The following ZNF345 variants were observed in gnomAD, a reference collection of about 807,000 sequenced individuals.
The protein encoded by ZNF345 is zinc finger protein 345, also known as zinc finger protein HZF10.
For missense variants in ZNF345, 527 were observed against 589.9 expected (o/e 0.89, Z 1.10); for synonymous variants, 166 against 187.9 (o/e 0.88, Z 0.95).
chr19:36,866,165 A>G (rs2072655810), intron 2 of ZNF345, among the ~76,000 whole-genome samples: 1 of 151,974 alleles, frequency 6.6e-6, no homozygotes, highest in Non-Finnish European at 1.5e-5. Context: ...TGGCTGTTAG[A>G]CTACTTTCAT....
At chr19:36,865,767 G>A (rs890507132) in intron 2 of ZNF345, among the ~76,000 whole-genome samples, 3 of 152,028 alleles carry the variant, frequency 2.0e-5, no homozygotes, top group East Asian at 1.9e-4. Context: ...CAGCCTTTAC[G>A]GACATGCACA....
intron 3 of ZNF345, chr19:36,891,943 A>T: frequency 1.2e-6 from 2 of 1,614,032 alleles, no homozygotes; most frequent in Non-Finnish European, 1.7e-6. Flanking sequence ...ATGTAGAAAA[A>T]GTTGTGAACT....
downstream of ZNF345, among the ~76,000 whole-genome samples, chr19:36,882,551 G>A (rs909203000): frequency 1.3e-5 from 2 of 152,192 alleles, no homozygotes; most frequent in Non-Finnish European, 2.9e-5. Flanking sequence ...ACAGGCGTGA[G>A]CCACTGCACC....
chr19:36,855,207 A>G (rs1282085538), intron 2 of ZNF345, among the ~76,000 whole-genome samples: 2 of 140,122 alleles, frequency 1.4e-5, no homozygotes, highest in African/African-American at 5.5e-5. Flanking sequence ...CAGTGGCGCC[A>G]TCTCAGCTCA....
At chr19:36,858,564 C>T (rs1452076873) in intron 2 of ZNF345, among the ~76,000 whole-genome samples, 3 of 152,018 alleles carry the variant, frequency 2.0e-5, no homozygotes, top group Admixed American at 6.6e-5. Context: ...GTCGGGAGTT[C>T]GAGACCAGCC....
At chr19:36,887,520 T>C (rs1190818567) in intron 3 of ZNF345, among the ~76,000 whole-genome samples, 1 of 152,160 alleles carries the variant, frequency 6.6e-6, no homozygotes, top group Admixed American at 6.5e-5. Flanking sequence ...CTAAAACAAA[T>C]TATATATTTT....
chr19:36,876,735 C>G (rs1032995466), intron 2 of ZNF345, 50 bp from the exon 3 acceptor site: 2 of 1,254,732 alleles, frequency 1.6e-6, no homozygotes, highest in African/African-American at 3.0e-5. Context: ...AACGTTTAAT[C>G]TCTCCCAGAA....
chr19:36,874,146 T>C (rs1376831722), intron 2 of ZNF345, among the ~76,000 whole-genome samples: 3 of 152,224 alleles, frequency 2.0e-5, no homozygotes, highest in Non-Finnish European at 4.4e-5. Context: ...CTTTCCTTAC[T>C]TTTAGTTAAG....
At chr19:36,880,909 C>A (rs1296320821), downstream of ZNF345, among the ~76,000 whole-genome samples, 1 of 151,870 alleles carries the variant, frequency 6.6e-6, no homozygotes, top group East Asian at 1.9e-4. Context: ...TAAATTCATT[C>A]ATTTGTTAGA....
chr19:36,877,863 A>C lies in ZNF345; in HGVS notation c.1033A>C (p.Lys345Gln). 1 of 1,614,012 alleles carries C rather than the reference A, an allele frequency of 6.2e-7. No individual in the cohort carries two copies. Among genetic ancestry groups the C allele is most frequent in the Non-Finnish European group, 8.5e-7 (1 of 1,179,960 alleles). ...MHTGEKPYEC[K>Q]ECGKTFSSGS... ...TACTGGAGAGAAACCTTATGAATGT[A>C]AGGAATGTGGGAAGACCTTTAGTAG... Residue 345 changes from lysine (K) to glutamine (Q), a missense_variant, in exon 3 of 3, where the codon AAG becomes CAG. By Grantham distance (53) the Lys-to-Gln change is moderately conservative. Transcript: ENST00000420450.
At position 36,863,603 on chromosome 19, in the gene ZNF345, G is replaced by A. The variant is rs370692637; in HGVS notation, c.-47+11699G>A. On this transcript the variant is annotated intron_variant, in intron 2 of 2. Transcript: ENST00000420450. ...TTCAACATTCATCATAATTCAGCAA[G>A]CTGAGCAGTTCTGTGTTTTTCAGCA... Among the ~76,000 whole-genome samples the A allele has an allele frequency of 5.3e-5, 8 of 152,308 alleles. No individual in the cohort carries two copies. The South Asian group carries it at 1.2e-3, about 24-fold the overall frequency.
chr19:36,872,109 T>C (rs1462329363), intron 2 of ZNF345, among the ~76,000 whole-genome samples: 3 of 152,158 alleles, frequency 2.0e-5, no homozygotes, highest in Non-Finnish European at 4.4e-5. Context: ...TCCAGGACAA[T>C]TATTTTATAG....
chr19:36,889,292 GGAT>G (rs531085583), intron 3 of ZNF345: 10 of 152,120 alleles, frequency 6.6e-5, no homozygotes, highest in Non-Finnish European at 1.3e-4. Context: ...TTCAGTATCA[GGAT>G]GATACTGGCT....
intron 3 of ZNF345, chr19:36,891,371 G>T: frequency 3.0e-6 from 3 of 1,006,368 alleles, no homozygotes; most frequent in East Asian, 2.8e-5. Context: ...CTTTGTTATC[G>T]TATCGTTTAA....
At chr19:36,870,156 T>C (rs1185538250) in intron 2 of ZNF345, among the ~76,000 whole-genome samples, 1 of 152,236 alleles carries the variant, frequency 6.6e-6, no homozygotes, top group Non-Finnish European at 1.5e-5. Context: ...AAATGTTTTG[T>C]AAATATCATC....
At chr19:36,884,074 A>AT (rs937501459), downstream of ZNF345, among the ~76,000 whole-genome samples, 3 of 150,376 alleles carry the variant, frequency 2.0e-5, no homozygotes, top group Admixed American at 6.6e-5. Context: ...ATTTATTTTT[A>AT]TTTTTTTTGA....
chr19:36,855,134 A>G (rs2072381102), intron 2 of ZNF345, among the ~76,000 whole-genome samples: 1 of 147,344 alleles, frequency 6.8e-6, no homozygotes, highest in African/African-American at 2.5e-5. Flanking sequence ...TACAGGCGTG[A>G]GCCACCACGC....
rs1429335361 is a variant in ZNF345 at position 36,877,584 on chromosome 19, C to A, written c.754C>A (p.His252Asn). 6.2e-7 allele frequency: 1 copy of A among 1,614,140 alleles called. No individual in the cohort carries two copies. Among genetic ancestry groups the A allele is most frequent in the Non-Finnish European group, 8.5e-7 (1 of 1,180,038 alleles). ...GGCTCTTACTCGGCATCAGAGAATT[C>A]ATACCGGTGAGAAACCATATATATG... ...GSALTRHQRI[H>N]TGEKPYICNE... Residue 252 changes from histidine (H) to asparagine (N), a missense_variant, in exon 3 of 3, where the codon CAT (histidine) becomes AAT (asparagine). Coordinates refer to ENST00000420450, the MANE Select transcript of ZNF345 (RefSeq NM_001242472.2).
chr19:36,883,428 C>G (rs2072979837), downstream of ZNF345, among the ~76,000 whole-genome samples: 1 of 152,174 alleles, frequency 6.6e-6, no homozygotes, highest in Non-Finnish European at 1.5e-5. Flanking sequence ...GTGATTTCAC[C>G]CCCGTGGGTT....
Sources: gnomAD v4.1 joint callset for allele counts (sites outside exome capture counted in the v4.1 genomes callset) on GRCh38, gnomAD v4.1.1 for gene constraint, MANE v1.5 for transcripts, NCBI Gene and HGNC (gene_info 2026-07-23, HGNC 2026-07-21) for gene names.